FA2H: variants seen among roughly 807,000 people sequenced by gnomAD.
FA2H encodes fatty acid alpha-hydroxylase.
Under a neutral mutation model 44.9 loss-of-function variants are expected in FA2H, and 22 were observed. That is an observed-to-expected ratio of 0.49 (90% confidence interval 0.35 to 0.70). The LOEUF (loss-of-function observed/expected upper bound fraction) is 0.70. FA2H is among the 30% of genes least tolerant of loss of function. The pLI, the probability that FA2H is intolerant of heterozygous loss-of-function variation, is 0.01. For missense variants in FA2H, 501 were observed against 504.9 expected, an observed-to-expected ratio of 0.99 and a Z score of 0.07; for synonymous variants, 243 against 213.2, an observed-to-expected ratio of 1.14 and a Z score of -1.22.
intron 1 of FA2H, among the ~76,000 whole-genome samples, chr16:74,741,806 A>ATGTG (rs1482714202): frequency 0.047 from 2,845 of 59,954 alleles, 30 homozygotes; most frequent in Admixed American, 0.094. Flanking sequence ...ATATATATAT[A>ATGTG]TATGTGTGTG....
intron 5 of FA2H, among the ~76,000 whole-genome samples, chr16:74,718,457 G>A (rs1412038860): frequency 6.6e-6 from 1 of 152,132 alleles, no homozygotes; most frequent in Non-Finnish European, 1.5e-5. Flanking sequence ...GGGCCTCAGG[G>A]GAAGGGTGAT....
chr16:74,756,574 C>T (rs996209226), intron 1 of FA2H, among the ~76,000 whole-genome samples: 2 of 152,014 alleles, frequency 1.3e-5, no homozygotes, highest in African/African-American at 4.8e-5. Context: ...CTTTCTCTAG[C>T]GGAGCAGAGT....
At chr16:74,740,001 C>G (rs750822349) in intron 2 of FA2H, 22 bp downstream of exon 2, 2 of 1,572,766 alleles carry the variant, frequency 1.3e-6, no homozygotes, top group South Asian at 2.2e-5. Flanking sequence ...GTCATCACCC[C>G]ACTCCATCCT....
intron 1 of FA2H, among the ~76,000 whole-genome samples, chr16:74,754,048 G>A (rs1042038143): frequency 3.3e-5 from 5 of 152,148 alleles, no homozygotes; most frequent in African/African-American, 1.2e-4. Context: ...TCTCCAATGA[G>A]CATTCATATT....
intron 5 of FA2H, chr16:74,716,838 A>T (rs2144602525): frequency 3.8e-4 from 123 of 319,662 alleles, no homozygotes; most frequent in Middle Eastern, 1.1e-3. Context: ...GGAACATGGG[A>T]TGGGCGGGAT....
chr16:74,723,349 G>A lies in FA2H; in HGVS notation c.613+2876C>T, dbSNP rs186906202. 8.8e-3 allele frequency among the ~76,000 whole-genome samples: 1,335 copies of A among 152,128 alleles called. 16 individuals are homozygous for A. The highest frequency in any genetic ancestry group is 0.031 in the African/African-American group (1,279 of 41,508). ...TTGGAAACTCTGCCCTTTGTCCCCA[G>A]GGTCCAAACCTGGACCCTCTGCCTC... On this transcript the variant is annotated intron_variant, in intron 4 of 6. Coordinates refer to ENST00000219368, the MANE Select transcript of FA2H (RefSeq NM_024306.5).
At position 74,774,493 on chromosome 16, in the gene FA2H, TC is replaced by T; in HGVS notation, c.262del (p.Glu88SerfsTer11). On this transcript the variant is annotated frameshift_variant, in exon 1 of 7. Transcript: ENST00000219368. LOFTEE classifies it high-confidence loss of function. ...EQYYVGELRG[E>X]QQGSMENEPV... Reference sequence around the variant, plus strand: ...GCCCCGGCCCGGCTGTACCTGCTGCTCCCCGCGGAGCTCTCCCACGTAGTAC... The same window carrying T: ...GCCCCGGCCCGGCTGTACCTGCTGCTCCCGCGGAGCTCTCCCACGTAGTAC... 1 of 1,515,876 alleles carries T rather than the reference TC, an allele frequency of 6.6e-7. No individual in the cohort carries two copies. Among genetic ancestry groups the T allele is most frequent in the Non-Finnish European group, 8.8e-7 (1 of 1,138,458 alleles). The allele number at this position is 1,515,876 out of a possible 1,614,324, so 93.9% of individuals were successfully genotyped here. A position where few individuals can be genotyped will look rare whatever the true frequency, so the allele number is the denominator to read the frequency against.
At chr16:74,733,131 AGCCCACCTGGGT>A (rs1325807338) in intron 2 of FA2H, among the ~76,000 whole-genome samples, 3 of 152,206 alleles carry the variant, frequency 2.0e-5, no homozygotes, top group South Asian at 4.1e-4. Flanking sequence ...TCCACGAGGA[AGCCCACCTGGGT>A]GCCCAGGGAA....
At chr16:74,742,704 A>G (rs940445782) in intron 1 of FA2H, among the ~76,000 whole-genome samples, 9 of 152,098 alleles carry the variant, frequency 5.9e-5, no homozygotes, top group Non-Finnish European at 1.0e-4. Context: ...GTGTGGTGGT[A>G]GTGTGCGCTT....
intron 6 of FA2H, among the ~76,000 whole-genome samples, chr16:74,714,643 C>T (rs1961655010): frequency 6.6e-6 from 1 of 151,786 alleles, no homozygotes; most frequent in African/African-American, 2.4e-5. Flanking sequence ...AGGGTCTTAG[C>T]TCTAATGGCA....
At chr16:74,720,053 C>A (rs1207991565) in intron 4 of FA2H, among the ~76,000 whole-genome samples, 1 of 152,104 alleles carries the variant, frequency 6.6e-6, no homozygotes, top group Admixed American at 6.6e-5. Context: ...GCACATGCTT[C>A]CCACCACCCT....
At chr16:74,735,475 C>T (rs1464739457) in intron 2 of FA2H, among the ~76,000 whole-genome samples, 1 of 152,194 alleles carries the variant, frequency 6.6e-6, no homozygotes, top group East Asian at 1.9e-4. Context: ...AGGATTCAGG[C>T]AGCGGAGAGT....
At chr16:74,717,413 G>A (rs1372737826) in intron 5 of FA2H, among the ~76,000 whole-genome samples, 1 of 152,230 alleles carries the variant, frequency 6.6e-6, no homozygotes, top group East Asian at 1.9e-4. Flanking sequence ...TCAGGAAAAG[G>A]AGGAAGGGAG....
intron 1 of FA2H, among the ~76,000 whole-genome samples, chr16:74,741,808 A>ATATGTGTGTGTG (rs1491185782): frequency 1.0e-4 from 5 of 48,416 alleles, no homozygotes; most frequent in Admixed American, 2.6e-4. Context: ...ATATATATAT[A>ATATGTGTGTGTG]TGTGTGTGTG....
At chr16:74,718,886 C>A in intron 5 of FA2H, 102 bp downstream of exon 5, 1 of 1,389,976 alleles carries the variant, frequency 7.2e-7, no homozygotes, top group East Asian at 2.4e-5. Flanking sequence ...CAACCCACAG[C>A]CAGACTCCCA....
intron 1 of FA2H, among the ~76,000 whole-genome samples, chr16:74,751,136 C>A (rs1439584026): frequency 6.6e-6 from 1 of 151,802 alleles, no homozygotes; most frequent in Non-Finnish European, 1.5e-5. Context: ...GCTCTGTCAC[C>A]CAGGCCAGAG....
intron 2 of FA2H, among the ~76,000 whole-genome samples, chr16:74,737,284 C>T (rs1019876402): frequency 6.6e-6 from 1 of 152,180 alleles, no homozygotes; most frequent in Non-Finnish European, 1.5e-5. Flanking sequence ...CTGGCCACCT[C>T]ACCTGGCTGT....
At chr16:74,730,232 G>C (rs1329569830) in intron 2 of FA2H, among the ~76,000 whole-genome samples, 1 of 152,124 alleles carries the variant, frequency 6.6e-6, no homozygotes, top group East Asian at 1.9e-4. Flanking sequence ...TGACCAGGGT[G>C]AAGGGCCCAA....
intron 1 of FA2H, among the ~76,000 whole-genome samples, chr16:74,768,220 T>C (rs988300497): frequency 2.6e-5 from 4 of 152,236 alleles, no homozygotes; most frequent in Admixed American, 2.6e-4. Context: ...TGTTTGTTTC[T>C]TTTTATTTCC....
Sources: gnomAD v4.1 joint callset for allele counts (sites outside exome capture counted in the v4.1 genomes callset) on GRCh38, gnomAD v4.1.1 for gene constraint, MANE v1.5 for transcripts, NCBI Gene and HGNC (gene_info 2026-07-23, HGNC 2026-07-21) for gene names.